RNPS1: variants seen among roughly 807,000 people sequenced by gnomAD.
The protein encoded by RNPS1 is RNA-binding protein with serine-rich domain 1.
For missense variants in RNPS1, 300 were observed against 427.6 expected (o/e 0.70, Z 2.63); for synonymous variants, 147 against 150.0 (o/e 0.98, Z 0.15).
chr16:2,267,893 G>A (rs771258451), intron 1 of RNPS1, 162 bp downstream of exon 1: 1 of 1,514,244 alleles, frequency 6.6e-7, no homozygotes, highest in Non-Finnish European at 8.8e-7. Context: ...CTCCCACTCC[G>A]CCCGCCCCGG....
chr16:2,261,880 A>G (rs1382710750), intron 6 of RNPS1, among the ~76,000 whole-genome samples: 1 of 152,264 alleles, frequency 6.6e-6, no homozygotes, highest in Non-Finnish European at 1.5e-5. Context: ...GAAGGTCTTC[A>G]AGACTCAATC....
intron 6 of RNPS1, among the ~76,000 whole-genome samples, chr16:2,260,896 C>T (rs969904910): frequency 2.0e-5 from 3 of 151,990 alleles, no homozygotes; most frequent in African/African-American, 4.8e-5. Flanking sequence ...TTTGGGAGGC[C>T]GAGGCAGGCG....
chr16:2,264,910 C>T, intron 1 of RNPS1, 150 bp from the exon 2 acceptor site: 1 of 476,730 alleles, frequency 2.1e-6, no homozygotes, highest in Non-Finnish European at 3.5e-6. Flanking sequence ...AGGGACAGTC[C>T]CCATGTGCTC....
intron 7 of RNPS1, among the ~76,000 whole-genome samples, chr16:2,254,989 G>A (rs1426956420): frequency 4.6e-5 from 7 of 151,604 alleles, no homozygotes; most frequent in South Asian, 2.1e-4. Context: ...TGATCTGCCC[G>A]CCTCAGCCTC....
chr16:2,258,359 G>A (rs932232508), intron 6 of RNPS1: 5 of 152,144 alleles, frequency 3.3e-5, no homozygotes, highest in Middle Eastern at 3.2e-3. Flanking sequence ...CAAGAATAGT[G>A]TTCCTTTAAA....
chr16:2,263,404 C>T, intron 3 of RNPS1, 117 bp from the exon 4 acceptor site: 1 of 971,780 alleles, frequency 1.0e-6, no homozygotes, highest in East Asian at 2.4e-5. Context: ...GCCTCCAGGC[C>T]TCACTGCTTT....
intron 5 of RNPS1, 93 bp downstream of exon 5, chr16:2,262,645 CCA>C: frequency 8.6e-7 from 1 of 1,162,176 alleles, no homozygotes; most frequent in South Asian, 1.3e-5. Context: ...TGCCACCACC[CCA>C]GTCCTCCAAA....
chr16:2,267,265 T>A (rs1020166634), intron 1 of RNPS1: 3 of 985,052 alleles, frequency 3.0e-6, no homozygotes, highest in Non-Finnish European at 3.6e-6. Flanking sequence ...AGAGAACAAT[T>A]AGTTAAATCT....
rs1400793015 is a variant in RNPS1, at chr16:2,253,164, T to G, written c.*800A>C. ...TTTATTCAACACAATTCTTCCACTC[T>G]ACACAACAAAGTACAAACACAATGT... is the stretch of plus-strand genomic sequence containing the variant. On this transcript the variant is annotated 3_prime_UTR_variant, in exon 8 of 8. Coordinates refer to ENST00000320225, the MANE Select transcript of RNPS1 (RefSeq NM_080594.4). 1 of 152,544 alleles carries G rather than the reference T, an allele frequency of 6.6e-6. No individual in the cohort carries two copies. Among genetic ancestry groups the G allele is most frequent in the Non-Finnish European group, 1.5e-5 (1 of 68,042 alleles). The allele number at this position is 152,544 out of a possible 1,614,324, so 9.4% of individuals were successfully genotyped here.
chr16:2,267,167 C>T, intron 1 of RNPS1: 1 of 985,076 alleles, frequency 1.0e-6, no homozygotes. Flanking sequence ...TTGAGGTTCT[C>T]TGTTCACCCA....
intron 6 of RNPS1, among the ~76,000 whole-genome samples, chr16:2,261,311 G>T (rs1234368425): frequency 6.6e-6 from 1 of 152,116 alleles, no homozygotes; most frequent in African/African-American, 2.4e-5. Context: ...TTCTATGTGT[G>T]GCTGTTGCAT....
chr16:2,263,061 T>C (rs754143355), intron 4 of RNPS1, 35 bp downstream of exon 4: 1 of 1,602,090 alleles, frequency 6.2e-7, no homozygotes, highest in South Asian at 1.1e-5. Context: ...AGCCCCGAGC[T>C]TGTAAACTTT....
chr16:2,267,932 C>G, intron 1 of RNPS1, 123 bp downstream of exon 1: 1 of 1,529,058 alleles, frequency 6.5e-7, no homozygotes, highest in Non-Finnish European at 8.7e-7. Flanking sequence ...GGAGCCCGCA[C>G]CGCGCTGCCA....
At position 2,264,065 on chromosome 16, in the gene RNPS1, T is replaced by C. The variant is rs953124851; in HGVS notation, c.227+111A>G. On this transcript the variant is annotated intron_variant, in intron 3 of 7. Coordinates refer to ENST00000320225, the MANE Select transcript of RNPS1 (RefSeq NM_080594.4). The stretch of plus-strand genomic sequence containing the variant: ...CATAAATTAGGGTCTCTACTAACAA[T>C]CAGAGGATGTGTTTTCTTTGTAAAT... 6.8e-6 allele frequency: 9 copies of C among 1,320,022 alleles called. 1 individual carries two copies. Among genetic ancestry groups the C allele is most frequent in the Non-Finnish European group, 9.5e-6 (9 of 946,506 alleles). 81.8% of individuals were successfully genotyped at this position (1,320,022 alleles called of 1,614,324 possible). A position where few individuals can be genotyped will look rare whatever the true frequency, so the allele number is the denominator to read the frequency against.
intron 6 of RNPS1, 169 bp downstream of exon 6, chr16:2,262,109 C>A (rs1369783515): frequency 3.8e-6 from 2 of 530,918 alleles, no homozygotes; most frequent in East Asian, 3.0e-5. Flanking sequence ...TGAGAAATAG[C>A]AGCCCAAACC....
intron 6 of RNPS1, 77 bp downstream of exon 6, chr16:2,262,201 C>G (rs2093605712): frequency 7.8e-6 from 11 of 1,414,692 alleles, no homozygotes; most frequent in Non-Finnish European, 1.1e-5. Flanking sequence ...AAGTGCAGCC[C>G]AGTTGGAAAT....
intron 7 of RNPS1, 75 bp from the exon 8 acceptor site, chr16:2,254,138 C>T (rs1276214325): frequency 1.2e-5 from 13 of 1,107,226 alleles, no homozygotes; most frequent in Non-Finnish European, 1.6e-5. Flanking sequence ...GGGCAATTCC[C>T]CATAGTTTTA....
Position 2,253,504 on chromosome 16 carries a change from G to C in RNPS1, c.*460C>G, listed in dbSNP as rs2141523194. 1 of 269,050 alleles carries C rather than the reference G, an allele frequency of 3.7e-6. No homozygotes were observed. The highest frequency in any genetic ancestry group is 1.4e-4 in the East Asian group (1 of 7,338). 16.7% of individuals were successfully genotyped at this position (269,050 alleles called of 1,614,324 possible). A position where few individuals can be genotyped will look rare whatever the true frequency, so the allele number is the denominator to read the frequency against. The stretch of plus-strand genomic sequence containing the variant: ...GGGTGTGACCCTTGAGGTCAGAAGA[G>C]GCCTCGAGAGGCCAGGCCTAACAGG... On this transcript the variant is annotated 3_prime_UTR_variant, in exon 8 of 8. Transcript: ENST00000320225.
chr16:2,261,784 CTG>C (rs2093604021), intron 6 of RNPS1, among the ~76,000 whole-genome samples: 2 of 152,132 alleles, frequency 1.3e-5, no homozygotes, highest in Non-Finnish European at 2.9e-5. Flanking sequence ...CCCCAAACTG[CTG>C]TGATTTAGCA....
Sources: gnomAD v4.1 joint callset for allele counts (sites outside exome capture counted in the v4.1 genomes callset) on GRCh38, gnomAD v4.1.1 for gene constraint, MANE v1.5 for transcripts, NCBI Gene and HGNC (gene_info 2026-07-23, HGNC 2026-07-21) for gene names.